The following PNMT variants were observed in gnomAD, a reference collection of about 807,000 sequenced individuals.
The protein encoded by PNMT is noradrenaline N-methyltransferase.
In PNMT, 18 loss-of-function variants were observed where a neutral mutation model predicts 18.9. The observed-to-expected ratio is 0.95, with a 90% CI of 0.66 to 1.41. PNMT has a LOEUF of 1.41. Ranked by LOEUF, PNMT falls within the 40% of genes most tolerant of loss-of-function variation. The pLI is 0.00. For synonymous variants in PNMT, 167 were observed against 168.6 expected (o/e 0.99, Z 0.08); for missense variants, 378 against 387.0 (o/e 0.98, Z 0.20).
chr17:39,669,596 G>C, intron 1 of PNMT, 33 bp from the exon 2 acceptor site: 1 of 1,569,122 alleles, frequency 6.4e-7, no homozygotes, highest in Non-Finnish European at 8.8e-7. Context: ...TGGGCTGGCT[G>C]GCACCAGGAC....
At chr17:39,669,590 C>A in intron 1 of PNMT, 39 bp from the exon 2 acceptor site, 2 of 1,528,444 alleles carry the variant, frequency 1.3e-6, no homozygotes, top group Non-Finnish European at 1.8e-6. Flanking sequence ...GCTGCCTGGG[C>A]TGGCTGGCAC....
At position 39,669,727 on chromosome 17, in the gene PNMT, G is replaced by A; in HGVS notation, c.301G>A (p.Asp101Asn). The A allele has an allele frequency of 6.2e-7, 1 of 1,614,158 alleles. No individual in the cohort carries two copies. The highest frequency in any genetic ancestry group is 8.5e-7 in the Non-Finnish European group (1 of 1,179,990). Residue 101 changes from aspartate to asparagine, a missense_variant, in exon 2 of 3, where the codon GAT becomes AAT. Coordinates refer to ENST00000269582, the MANE Select transcript of PNMT (RefSeq NM_002686.4). Reference protein sequence around the residue: ...CSHFEDITMTDFLEVNRQELG... With the variant: ...CSHFEDITMTNFLEVNRQELG... Reference sequence around the variant, plus strand: ...CCACTTTGAGGACATCACCATGACAGATTTCCTGGAGGTCAACCGCCAGGA... The same window carrying A: ...CCACTTTGAGGACATCACCATGACAAATTTCCTGGAGGTCAACCGCCAGGA...
chr17:39,668,663 A>C lies in PNMT; in HGVS notation c.188A>C (p.Gln63Pro), dbSNP rs748023681. Residue 63 changes from glutamine (Q) to proline (P), a missense_variant, in exon 1 of 3, where the codon CAG becomes CCG. Gln to Pro is a moderately conservative substitution (Grantham distance 76). Coordinates refer to ENST00000269582, the MANE Select transcript of PNMT (RefSeq NM_002686.4). ...VGPWKLRCLA[Q>P]TFATGEVSGR... Reference sequence around the variant, plus strand: ...CCGTGGAAGCTGCGCTGCTTGGCGCAGACCTTCGCCACCGGTGAGCGGGGG... The same window carrying C: ...CCGTGGAAGCTGCGCTGCTTGGCGCCGACCTTCGCCACCGGTGAGCGGGGG... The C allele has an allele frequency of 1.4e-5, 22 of 1,582,416 alleles. No homozygotes were observed. In the South Asian group the frequency reaches 2.4e-4, roughly 17 times the overall value.
In PNMT at chr17:39,670,234, G is replaced by T; in HGVS notation, c.694G>T (p.Val232Leu). 6.2e-7 allele frequency: 1 copy of T among 1,610,726 alleles called. No homozygotes were observed. The highest frequency in any genetic ancestry group is 8.5e-7 in the Non-Finnish European group (1 of 1,179,158). The change falls in exon 3 of 3, where the codon GTG becomes TTG. Residue 232 changes from valine (V) to leucine (L), a missense_variant. Val to Leu is a conservative substitution (Grantham distance 32). Transcript: ENST00000269582. ...GGCTGGGGAGGCCAGGCTGACGGTG[G>T]TGCCAGTGTCTGAGGAGGAGGTGAG... ...YLAGEARLTV[V>L]PVSEEEVREA...
Position 39,670,331 on chromosome 17 carries a change from C to A in PNMT, c.791C>A (p.Thr264Lys). The change falls in exon 3 of 3, where the codon ACA (threonine) becomes AAA (lysine). Residue 264 changes from threonine (T) to lysine (K), a missense_variant. By Grantham distance (78) the Thr-to-Lys change is moderately conservative. Coordinates refer to ENST00000269582, the MANE Select transcript of PNMT (RefSeq NM_002686.4). ...TATATCATGCCTGCCCACCTTCAGA[C>A]AGGCGTAGATGATGTCAAGGGCGTC... ...RTYIMPAHLQ[T>K]GVDDVKGVFF... The A allele has an allele frequency of 1.9e-6, 3 of 1,610,300 alleles. No homozygotes were observed. The South Asian group carries it at 3.3e-5, about 18-fold the overall frequency.
In PNMT at chr17:39,668,628, C is replaced by T. The variant is rs9903907; in HGVS notation, c.153C>T (p.Asn51=). The part of the protein sequence containing the change: ...APPRGDLCNP[N]GVGPWKLRCL... ...CTCGCGGGGACCTGTGCAACCCGAA[C>T]GGCGTCGGGCCGTGGAAGCTGCGCT... Residue 51 remains asparagine, a synonymous_variant, in exon 1 of 3, where the codon AAC becomes AAT. Transcript: ENST00000269582. The T allele has an allele frequency of 5.3e-4, 844 of 1,605,392 alleles. 4 individuals carry two copies. The African/African-American group carries it at 9.5e-3, about 18-fold the overall frequency.
intron 1 of PNMT, among the ~76,000 whole-genome samples, chr17:39,668,958 G>A (rs1387429514): frequency 6.6e-6 from 1 of 152,226 alleles, no homozygotes; most frequent in Non-Finnish European, 1.5e-5. Flanking sequence ...TGCATAGGAG[G>A]AAATGGAGGC....
Position 39,670,036 on chromosome 17 carries a change from G to A in PNMT, c.496G>A (p.Gly166Ser). 1 of 1,606,302 alleles carries A rather than the reference G, an allele frequency of 6.2e-7. No individual in the cohort carries two copies. Among genetic ancestry groups the A allele is most frequent in the Non-Finnish European group, 8.5e-7 (1 of 1,179,914 alleles). ...CGACGTGCACCAGCCCCAGCCCCTG[G>A]GTGCTGGGAGCCCAGCTCCCCTGCC... The part of the protein sequence containing the change: ...PIDVHQPQPL[G>S]AGSPAPLPAD... The change falls in exon 3 of 3, where the codon GGT becomes AGT. Residue 166 changes from glycine to serine, a missense_variant. Transcript: ENST00000269582.
Position 39,669,727 on chromosome 17 carries a change from G to C in PNMT, c.301G>C (p.Asp101His). Residue 101 changes from aspartate (D) to histidine (H), a missense_variant, in exon 2 of 3, where the codon GAT (aspartate) becomes CAT (histidine). Physicochemically the swap from Asp to His is moderately conservative, Grantham distance 81. Coordinates refer to ENST00000269582, the MANE Select transcript of PNMT (RefSeq NM_002686.4). ...CSHFEDITMT[D>H]FLEVNRQELG... ...CCACTTTGAGGACATCACCATGACA[G>C]ATTTCCTGGAGGTCAACCGCCAGGA... 1 of 1,614,158 alleles carries C rather than the reference G, an allele frequency of 6.2e-7. No individual in the cohort carries two copies. The highest frequency in any genetic ancestry group is 8.5e-7 in the Non-Finnish European group (1 of 1,179,990).
Position 39,670,305 on chromosome 17 carries a change from C to T in PNMT, c.765C>T (p.Thr255=), listed in dbSNP as rs1241971028. 6.2e-7 allele frequency: 1 copy of T among 1,610,988 alleles called. No individual in the cohort carries two copies. Among genetic ancestry groups the T allele is most frequent in the Admixed American group, 1.7e-5 (1 of 59,896 alleles). The change falls in exon 3 of 3, where the codon ACC becomes ACT. Residue 255 remains threonine, a synonymous_variant. Transcript: ENST00000269582. ...RSGYKVRDLR[T]YIMPAHLQTG... is the part of the protein sequence containing the mutation. ...GCTACAAGGTCCGGGACCTCCGCAC[C>T]TATATCATGCCTGCCCACCTTCAGA...
rs779251327 is a variant in PNMT, at chr17:39,670,206, C to A, written c.666C>A (p.Tyr222Ter). ...TCGGGGCCCTGGAGGAGTCGTGGTA[C>A]CTGGCTGGGGAGGCCAGGCTGACGG... Reference protein sequence around the residue: ...LLIGALEESWYLAGEARLTVV... With the variant: ...LLIGALEESW Residue 222 changes from tyrosine to a stop codon, truncating the protein, a stop_gained, in exon 3 of 3, where the codon TAC (tyrosine) becomes TAA (stop). Transcript: ENST00000269582. LOFTEE classifies it high-confidence loss of function. 5 of 1,611,768 alleles carry A rather than the reference C, an allele frequency of 3.1e-6. No homozygotes were observed. In the African/African-American group the frequency reaches 5.3e-5, roughly 17 times the overall value.
In PNMT at chr17:39,670,337, T is replaced by C. The variant is rs777159954; in HGVS notation, c.797T>C (p.Val266Ala). ...ATGCCTGCCCACCTTCAGACAGGCGTAGATGATGTCAAGGGCGTCTTCTTC... is the reference window on the plus strand; with the variant it reads ...ATGCCTGCCCACCTTCAGACAGGCGCAGATGATGTCAAGGGCGTCTTCTTC... ...YIMPAHLQTG[V>A]DDVKGVFFAW... Residue 266 changes from valine (V) to alanine (A), a missense_variant, in exon 3 of 3, where the codon GTA becomes GCA. Val to Ala is a moderately conservative substitution (Grantham distance 64). Transcript: ENST00000269582. The C allele has an allele frequency of 1.2e-6, 2 of 1,606,676 alleles. No homozygotes were observed. The highest frequency in any genetic ancestry group is 1.7e-5 in the Admixed American group (1 of 59,824).
upstream of PNMT, chr17:39,668,334 G>A (rs2057270947): frequency 1.7e-6 from 1 of 578,228 alleles, no homozygotes; most frequent in Admixed American, 4.4e-5. Flanking sequence ...GGATGAATGG[G>A]TGGGGAGGAT....
chr17:39,670,448 G>T lies in PNMT; in HGVS notation c.*59G>T. On this transcript the variant is annotated 3_prime_UTR_variant, in exon 3 of 3. Coordinates refer to ENST00000269582, the MANE Select transcript of PNMT (RefSeq NM_002686.4). ...CCTGGATTCCCTGTTCTTTGAAGTG[G>T]CACCTAATAAAGAAATAATACCCTG... 7.5e-7 allele frequency: 1 copy of T among 1,325,802 alleles called. No individual in the cohort carries two copies. Among genetic ancestry groups the T allele is most frequent in the Non-Finnish European group, 1.0e-6 (1 of 980,986 alleles). The allele number at this position is 1,325,802 out of a possible 1,614,324, so 82.1% of individuals were successfully genotyped here.
rs199695327 is a variant in PNMT at position 39,669,997 on chromosome 17, C to T, written c.457C>T (p.Arg153Trp). The T allele has an allele frequency of 3.6e-4, 582 of 1,603,776 alleles. 2 individuals are homozygous for T. The highest frequency in any genetic ancestry group is 3.8e-4 in the Admixed American group (23 of 59,922). Residue 153 changes from arginine (R) to tryptophan (W), a missense_variant, in exon 3 of 3, where the codon CGG becomes TGG. Physicochemically the swap from Arg to Trp is moderately radical, Grantham distance 101. Coordinates refer to ENST00000269582, the MANE Select transcript of PNMT (RefSeq NM_002686.4). ...GCGCCAGCTGCGAGCCAGGGTGAAA[C>T]GGGTCCTGCCCATCGACGTGCACCA... ...KERQLRARVK[R>W]VLPIDVHQPQ...
At chr17:39,668,438 C>T, upstream of PNMT, 1 of 1,343,838 alleles carries the variant, frequency 7.4e-7, no homozygotes, top group East Asian at 3.1e-5. Flanking sequence ...AAAAGGGCCG[C>T]GAGGCGAGCG....
rs556631070 is a variant in PNMT, at chr17:39,669,655, G to A, written c.229G>A (p.Asp77Asn). Reference protein sequence around the residue: ...TGEVSGRTLIDIGSGPTVYQL... With the variant: ...TGEVSGRTLINIGSGPTVYQL... ...TGAAGTGTCCGGACGCACCCTCATCGACATTGGTTCAGGCCCCACCGTGTA... is the reference window on the plus strand; with the variant it reads ...TGAAGTGTCCGGACGCACCCTCATCAACATTGGTTCAGGCCCCACCGTGTA... Residue 77 changes from aspartate to asparagine, a missense_variant, in exon 2 of 3, where the codon GAC becomes AAC. Coordinates refer to ENST00000269582, the MANE Select transcript of PNMT (RefSeq NM_002686.4). The A allele has an allele frequency of 6.8e-6, 11 of 1,614,038 alleles. No homozygotes were observed. The highest frequency in any genetic ancestry group is 6.7e-5 in the African/African-American group (5 of 75,006).
intron 1 of PNMT, 101 bp from the exon 2 acceptor site, chr17:39,669,528 G>A (rs1312863857): frequency 7.4e-6 from 6 of 812,774 alleles, no homozygotes; most frequent in Non-Finnish European, 1.3e-5. Context: ...GGAGAAGGAA[G>A]AACTAGAGAG....
chr17:39,670,407 C>G lies in PNMT; in HGVS notation c.*18C>G. On this transcript the variant is annotated 3_prime_UTR_variant, in exon 3 of 3. Coordinates refer to ENST00000269582, the MANE Select transcript of PNMT (RefSeq NM_002686.4). ...GGCTGTGAGGGCTGTACCTGGTGCC[C>G]TGTGGCCCCCACCCACCTGGATTCC... 1 of 1,535,828 alleles carries G rather than the reference C, an allele frequency of 6.5e-7. No individual in the cohort carries two copies. The highest frequency in any genetic ancestry group is 8.8e-7 in the Non-Finnish European group (1 of 1,140,568).
Sources: allele counts gnomAD v4.1 joint callset (sites outside exome capture counted in the v4.1 genomes callset), GRCh38; gene constraint gnomAD v4.1.1; transcripts MANE v1.5; gene names NCBI Gene and HGNC (gene_info 2026-07-23, HGNC 2026-07-21).